Variants in WDFY4 observed in about 807,000 individuals in gnomAD.
WDFY4 encodes WDFY family member 4.
Under a neutral mutation model 351.9 loss-of-function variants are expected in WDFY4, and 169 were observed. The ratio of observed to expected loss-of-function variants is 0.48; its 90% CI spans 0.42 to 0.55. The LOEUF is 0.55. Ranked by LOEUF, WDFY4 falls within the 20% of genes least tolerant of loss-of-function variation. WDFY4 has a pLI of 0.00. For missense variants in WDFY4, 3,803 were observed against 3,935.6 expected, an observed-to-expected ratio of 0.97 and a Z score of 0.90; for synonymous variants, 1,622 against 1,574.6, an observed-to-expected ratio of 1.03 and a Z score of -0.71.
intron 51 of WDFY4, among the ~76,000 whole-genome samples, chr10:48,948,181 C>G (rs996699161): frequency 3.3e-5 from 5 of 152,198 alleles, no homozygotes; most frequent in African/African-American, 1.2e-4. Context: ...CAGCCTTCTC[C>G]CTCCTTGACG....
At chr10:48,697,154 G>T (rs1051991547) in intron 1 of WDFY4, among the ~76,000 whole-genome samples, 3 of 152,198 alleles carry the variant, frequency 2.0e-5, no homozygotes, top group Non-Finnish European at 4.4e-5. Context: ...GCTACTTGAG[G>T]TGGGCCTGGA....
chr10:48,904,825 A>G (rs1021010104), intron 47 of WDFY4, among the ~76,000 whole-genome samples: 3 of 152,186 alleles, frequency 2.0e-5, no homozygotes, highest in African/African-American at 7.2e-5. Flanking sequence ...TTCTGGGGAT[A>G]GGGTCAGTCC....
At chr10:48,714,950 T>C (rs2063860733) in intron 2 of WDFY4, among the ~76,000 whole-genome samples, 1 of 152,228 alleles carries the variant, frequency 6.6e-6, no homozygotes, top group Non-Finnish European at 1.5e-5. Context: ...ACTGGGCTAA[T>C]GGGACAAGGC....
intron 2 of WDFY4, among the ~76,000 whole-genome samples, chr10:48,713,916 A>G (rs2132231411): frequency 6.6e-6 from 1 of 152,350 alleles, no homozygotes; most frequent in South Asian, 2.1e-4. Context: ...CAATACTAGC[A>G]AGGGGCAGAG....
chr10:48,980,298 A>G (rs116537053), intron 60 of WDFY4, among the ~76,000 whole-genome samples: 62,519 of 151,842 alleles, frequency 0.41, 13,982 homozygotes, highest in East Asian at 0.66. Context: ...TTGTTCTTAC[A>G]TTGCTCAAAA....
At chr10:48,870,746 A>G (rs907701267) in intron 40 of WDFY4, among the ~76,000 whole-genome samples, 1 of 152,108 alleles carries the variant, frequency 6.6e-6, no homozygotes, top group Non-Finnish European at 1.5e-5. Flanking sequence ...GACTTTTGCT[A>G]TTTAGTCATC....
rs375432557 is a variant in WDFY4 at position 48,781,217 on chromosome 10, A to AAT, written c.3576+1109_3576+1110dup. Among the ~76,000 whole-genome samples the AAT allele has an allele frequency of 2.1e-3, 309 of 149,854 alleles. 2 individuals carry two copies. Among genetic ancestry groups the AAT allele is most frequent in the Admixed American group, 5.7e-3 (86 of 15,154 alleles). On this transcript the variant is annotated intron_variant, in intron 19 of 61. Coordinates refer to ENST00000325239, the MANE Select transcript of WDFY4 (RefSeq NM_001394531.1). Reference sequence around the variant, plus strand: ...TATCAAAAAAAGGCAGTGATGACCAAATATATATATATGTGTGTGTGTGTG... The same window carrying AAT: ...TATCAAAAAAAGGCAGTGATGACCAAATATATATATATATGTGTGTGTGTGTG...
intron 39 of WDFY4, among the ~76,000 whole-genome samples, chr10:48,843,479 GGA>G (rs1165554317): frequency 1.3e-5 from 2 of 152,110 alleles, no homozygotes; most frequent in Non-Finnish European, 2.9e-5. Context: ...TTATATTTAA[GGA>G]GTCCTTATAG....
chr10:48,842,481 C>T (rs971571273), intron 39 of WDFY4, among the ~76,000 whole-genome samples: 1 of 152,108 alleles, frequency 6.6e-6, no homozygotes, highest in African/African-American at 2.4e-5. Flanking sequence ...CGCGGCTGCC[C>T]AGAGGAGGAC....
intron 35 of WDFY4, chr10:48,824,130 G>T: frequency 1.0e-6 from 1 of 985,388 alleles, no homozygotes; most frequent in Non-Finnish European, 1.2e-6. Context: ...CTCCCTCTAA[G>T]TTTCTTTTGA....
At chr10:48,899,077 T>C (rs2133402074) in intron 45 of WDFY4, among the ~76,000 whole-genome samples, 1 of 151,090 alleles carries the variant, frequency 6.6e-6, no homozygotes, top group Middle Eastern at 3.4e-3. Context: ...GTGGGGTTTT[T>C]TCCCCAAGTA....
intron 54 of WDFY4, among the ~76,000 whole-genome samples, chr10:48,965,308 A>G (rs915074410): frequency 9.9e-5 from 15 of 152,154 alleles, no homozygotes; most frequent in Non-Finnish European, 1.9e-4. Flanking sequence ...GTATTTCTAA[A>G]GTAGCCATCA....
Position 48,702,359 on chromosome 10 carries a change from C to T in WDFY4, c.-17-7357C>T, listed in dbSNP as rs149184396. 6.2e-4 allele frequency among the ~76,000 whole-genome samples: 95 copies of T among 152,306 alleles called. 1 individual carries two copies. The East Asian group carries it at 0.016, about 25-fold the overall frequency. On this transcript the variant is annotated intron_variant, in intron 1 of 61. Transcript: ENST00000325239. ...CAAGAAACAGGACATTTCTATCCCC[C>T]GCAAAATTCCATCCTGCCTTCGTAG... is the stretch of plus-strand genomic sequence containing the variant.
At chr10:48,881,955 G>T (rs932891004) in intron 43 of WDFY4, among the ~76,000 whole-genome samples, 1 of 152,216 alleles carries the variant, frequency 6.6e-6, no homozygotes, top group African/African-American at 2.4e-5. Flanking sequence ...CCTGACTGAT[G>T]ATTTCTGAGC....
Position 48,974,992 on chromosome 10 carries a change from T to A in WDFY4, c.9059T>A (p.Leu3020Gln). The stretch of plus-strand genomic sequence containing the variant: ...GACCACCTCACCCACGTGACCCGCC[T>A]GCCCGCCCATCGGGAAGGCATCTCA... ...DLDHLTHVTR[L>Q]PAHREGISAI... Residue 3020 changes from leucine to glutamine, a missense_variant, in exon 58 of 62, where the codon CTG (leucine) becomes CAG (glutamine). Physicochemically the swap from Leu to Gln is moderately radical, Grantham distance 113 (BLOSUM62 -2). This residue lies in a region of WDFY4 where 3,054 missense variants were observed against 3,148.6 expected (regional missense o/e 0.97). Transcript: ENST00000325239. 6.4e-7 allele frequency: 1 copy of A among 1,551,722 alleles called. No individual in the cohort carries two copies. Among genetic ancestry groups the A allele is most frequent in the Non-Finnish European group, 8.7e-7 (1 of 1,146,994 alleles).
chr10:48,904,956 C>T (rs189238870), intron 47 of WDFY4, among the ~76,000 whole-genome samples: 2 of 152,274 alleles, frequency 1.3e-5, no homozygotes. Flanking sequence ...CACATGGTTC[C>T]ACGCAGAGGG....
chr10:48,685,711 T>C (rs1364362886), intron 1 of WDFY4, among the ~76,000 whole-genome samples: 2 of 150,840 alleles, frequency 1.3e-5, no homozygotes, highest in African/African-American at 4.8e-5. Flanking sequence ...TCATCTAAAG[T>C]GTGGGGGGGC....
intron 1 of WDFY4, among the ~76,000 whole-genome samples, chr10:48,709,007 ACC>A (rs71026222): frequency 1.4e-3 from 197 of 144,762 alleles, no homozygotes; most frequent in African/African-American, 3.4e-3. Flanking sequence ...AACAAACAAC[ACC>A]CCCCCCCCCC....
At chr10:48,742,896 C>A in intron 11 of WDFY4, 72 bp from the exon 12 acceptor site, 1 of 1,391,616 alleles carries the variant, frequency 7.2e-7, no homozygotes, top group Non-Finnish European at 9.6e-7. Context: ...GACGCTCTGG[C>A]AGGAATGTGT....
Sources: allele counts gnomAD v4.1 joint callset (sites outside exome capture counted in the v4.1 genomes callset), GRCh38; gene constraint gnomAD v4.1.1; regional missense constraint gnomAD v4.1.1; transcripts MANE v1.5; gene names NCBI Gene and HGNC (gene_info 2026-07-23, HGNC 2026-07-21).